The following UBE2H variants were observed in gnomAD, a reference collection of about 807,000 sequenced individuals.
UBE2H encodes ubiquitin-conjugating enzyme E2 H.
Under a neutral mutation model 29.0 loss-of-function variants are expected in UBE2H, and 3 were observed. The ratio of observed to expected loss-of-function variants is 0.10; its 90% CI spans 0.05 to 0.27. The LOEUF (loss-of-function observed/expected upper bound fraction) is 0.27, where lower values mean the gene tolerates loss of function less well. UBE2H is among the 10% of genes least tolerant of loss of function. The probability of loss-of-function intolerance (pLI) is 1.00; values close to 1 mark genes in which losing one functional copy is unlikely to be tolerated. For synonymous variants in UBE2H, 69 were observed against 82.9 expected (o/e 0.83, Z 0.91); for missense variants, 68 against 228.2 (o/e 0.30, Z 4.52).
intron 1 of UBE2H, among the ~76,000 whole-genome samples, chr7:129,915,502 CCAGCCTGGGTGA>C (rs1472895887): frequency 4.6e-5 from 7 of 152,124 alleles, no homozygotes; most frequent in African/African-American, 1.7e-4. Context: ...CCACTGCACT[CCAGCCTGGGTGA>C]CAGAGCGAGA....
rs1017178069 is a variant in UBE2H, at chr7:129,846,336, G to A, written c.299-7001C>T. On this transcript the variant is annotated intron_variant, in intron 5 of 6. Coordinates refer to ENST00000355621, the MANE Select transcript of UBE2H (RefSeq NM_003344.4). ...CAGCCTGGGCAACATAGGGAGATCCGGTCTCTACAAAATAATAATAATAAT... is the reference window on the plus strand; with the variant it reads ...CAGCCTGGGCAACATAGGGAGATCCAGTCTCTACAAAATAATAATAATAAT... 4.8e-4 allele frequency among the ~76,000 whole-genome samples: 70 copies of A among 147,166 alleles called. 1 individual carries two copies. The highest frequency in any genetic ancestry group is 3.9e-4 in the East Asian group (2 of 5,080).
At chr7:129,943,516 A>T (rs1807689650) in intron 1 of UBE2H, among the ~76,000 whole-genome samples, 1 of 149,648 alleles carries the variant, frequency 6.7e-6, no homozygotes, top group Non-Finnish European at 1.5e-5. Context: ...GCCGGGAGGC[A>T]GAGGTTGCAG....
chr7:129,910,172 T>C (rs938610201), intron 1 of UBE2H, among the ~76,000 whole-genome samples: 4 of 151,600 alleles, frequency 2.6e-5, no homozygotes, highest in Non-Finnish European at 4.4e-5. Flanking sequence ...CTACCAAAAA[T>C]ACAAAAATTA....
intron 5 of UBE2H, among the ~76,000 whole-genome samples, chr7:129,841,104 G>C (rs1445842728): frequency 1.3e-5 from 2 of 152,174 alleles, no homozygotes; most frequent in South Asian, 2.1e-4. Context: ...AAGAAACCCT[G>C]ATCTAGATAA....
intron 1 of UBE2H, among the ~76,000 whole-genome samples, chr7:129,916,188 C>G (rs191372217): frequency 1.1e-3 from 163 of 152,216 alleles, no homozygotes; most frequent in African/African-American, 3.5e-3. Flanking sequence ...ATCCTAAACA[C>G]AAAGTTTAAC....
chr7:129,930,236 A>G (rs953473724), intron 1 of UBE2H, among the ~76,000 whole-genome samples: 3 of 151,966 alleles, frequency 2.0e-5, no homozygotes, highest in African/African-American at 7.3e-5. Context: ...ATCTCGGCTC[A>G]CTGCAACCTC....
intron 1 of UBE2H, among the ~76,000 whole-genome samples, chr7:129,892,000 TG>T (rs1222440368): frequency 6.8e-6 from 1 of 147,466 alleles, no homozygotes; most frequent in Non-Finnish European, 1.5e-5. Context: ...TTGCCCAGAC[TG>T]GAGTGTAGGG....
At chr7:129,930,920 A>AAAC (rs1439352753) in intron 1 of UBE2H, among the ~76,000 whole-genome samples, 2 of 144,110 alleles carry the variant, frequency 1.4e-5, no homozygotes, top group Non-Finnish European at 3.0e-5. Flanking sequence ...AAAAAAAAAA[A>AAAC]AAAAAAAAAA....
chr7:129,926,741 TC>T (rs1238614887), intron 1 of UBE2H, among the ~76,000 whole-genome samples: 2 of 150,978 alleles, frequency 1.3e-5, no homozygotes, highest in African/African-American at 4.8e-5. Context: ...TTACCAAGAG[TC>T]CTCCTCTGGC....
At chr7:129,883,677 A>T (rs899058989) in intron 1 of UBE2H, among the ~76,000 whole-genome samples, 40 of 152,184 alleles carry the variant, frequency 2.6e-4, no homozygotes, top group African/African-American at 8.9e-4. Flanking sequence ...CCCTATCTCT[A>T]CTAAAAACAC....
At chr7:129,868,240 G>C (rs1472748287) in intron 3 of UBE2H, among the ~76,000 whole-genome samples, 1 of 152,108 alleles carries the variant, frequency 6.6e-6, no homozygotes, top group East Asian at 1.9e-4. Flanking sequence ...GTTTTAAATA[G>C]CAAATGAAAA....
chr7:129,935,091 T>C (rs186657584), intron 1 of UBE2H, among the ~76,000 whole-genome samples: 15 of 151,604 alleles, frequency 9.9e-5, no homozygotes, highest in East Asian at 5.8e-4. Flanking sequence ...GAGGTATACA[T>C]AGAAGCAGAA....
chr7:129,847,438 A>G (rs972022163), intron 5 of UBE2H, among the ~76,000 whole-genome samples: 3 of 152,150 alleles, frequency 2.0e-5, no homozygotes, highest in Non-Finnish European at 2.9e-5. Context: ...ACTAGAGCCC[A>G]GGAGTTTGAA....
At position 129,952,770 on chromosome 7, in the gene UBE2H, C is replaced by T; in HGVS notation, c.-215G>A. On this transcript the variant is annotated 5_prime_UTR_variant, in exon 1 of 7. Coordinates refer to ENST00000355621, the MANE Select transcript of UBE2H (RefSeq NM_003344.4). ...GGTGGGGACCCTGCGGCGCCCGGCT[C>T]GGGCTGCCCCTCTCCGGCTGTGGTT... 1 of 361,948 alleles carries T rather than the reference C, an allele frequency of 2.8e-6. No homozygotes were observed. The highest frequency in any genetic ancestry group is 4.8e-6 in the Non-Finnish European group (1 of 209,034). 22.4% of individuals were successfully genotyped at this position (361,948 alleles called of 1,614,324 possible). A position where few individuals can be genotyped will look rare whatever the true frequency, so the allele number is the denominator to read the frequency against.
At chr7:129,854,071 T>TG (rs1563022998) in intron 5 of UBE2H, among the ~76,000 whole-genome samples, 39 of 149,912 alleles carry the variant, frequency 2.6e-4, no homozygotes, top group African/African-American at 7.8e-4. Flanking sequence ...TTTTTTTTTT[T>TG]TTTTTTTTTT....
intron 1 of UBE2H, among the ~76,000 whole-genome samples, chr7:129,949,799 TA>T (rs1379075974): frequency 6.6e-6 from 1 of 152,118 alleles, no homozygotes; most frequent in African/African-American, 2.4e-5. Flanking sequence ...TGCCAGGCTG[TA>T]AATCGTGGTG....
At chr7:129,836,060 GT>G (rs1468409788) in intron 6 of UBE2H, among the ~76,000 whole-genome samples, 5 of 152,154 alleles carry the variant, frequency 3.3e-5, no homozygotes, top group Admixed American at 3.3e-4. Flanking sequence ...TACAGAAAAG[GT>G]TTGCAGACTT....
At chr7:129,867,157 TAATA>T (rs779635209) in intron 3 of UBE2H, among the ~76,000 whole-genome samples, 11 of 152,212 alleles carry the variant, frequency 7.2e-5, no homozygotes, top group Non-Finnish European at 1.6e-4. Context: ...TTTTTATTTT[TAATA>T]TTTATTATTT....
intron 4 of UBE2H, among the ~76,000 whole-genome samples, chr7:129,857,983 T>C (rs1805736041): frequency 6.6e-6 from 1 of 152,210 alleles, no homozygotes; most frequent in Non-Finnish European, 1.5e-5. Context: ...CTGGTCTATG[T>C]TATTTTAAAA....
Sources: allele counts gnomAD v4.1 joint callset (sites outside exome capture counted in the v4.1 genomes callset), GRCh38; gene constraint gnomAD v4.1.1; transcripts MANE v1.5; gene names NCBI Gene and HGNC (gene_info 2026-07-23, HGNC 2026-07-21).